Variants in SV2C observed in about 807,000 individuals in gnomAD.
The protein encoded by SV2C is solute carrier family 22 member B3.
Under a neutral mutation model 79.7 loss-of-function variants are expected in SV2C, and 49 were observed. The ratio of observed to expected loss-of-function variants is 0.61; its 90% CI spans 0.49 to 0.78. SV2C has a LOEUF of 0.78. SV2C is among the 30% of genes least tolerant of loss of function. The probability of loss-of-function intolerance (pLI) is 0.00; values close to 1 mark genes in which losing one functional copy is unlikely to be tolerated. For synonymous variants in SV2C, 334 were observed against 333.2 expected, an observed-to-expected ratio of 1.00 and a Z score of -0.03; for missense variants, 833 against 912.9, an observed-to-expected ratio of 0.91 and a Z score of 1.13.
At chr5:76,012,792 G>A in the SV2C span, among the ~76,000 whole-genome samples, 1 of 152,156 alleles carries the variant, frequency 6.6e-6, no homozygotes, top group African/African-American at 2.4e-5. Context: ...TAAGGTGTAA[G>A]GAAGGGGTCC....
At chr5:76,222,123 C>A (rs960448229) in intron 4 of SV2C, among the ~76,000 whole-genome samples, 1 of 152,162 alleles carries the variant, frequency 6.6e-6, no homozygotes, top group Middle Eastern at 3.2e-3. Context: ...TTGACAGTTT[C>A]TTTAAAAACC....
intron 2 of SV2C, chr5:76,171,036 G>A (rs1471861197): frequency 3.1e-5 from 5 of 158,866 alleles, no homozygotes; most frequent in South Asian, 3.0e-4. Context: ...CCGCCGCGCC[G>A]GCGAGCGCCG....
chr5:75,866,648 C>T, the SV2C span, among the ~76,000 whole-genome samples: 4 of 152,174 alleles, frequency 2.6e-5, no homozygotes, highest in Non-Finnish European at 4.4e-5. Flanking sequence ...GCCTCAAATT[C>T]GTATCTCCAG....
At chr5:76,058,139 G>A in the SV2C span, among the ~76,000 whole-genome samples, 1 of 152,064 alleles carries the variant, frequency 6.6e-6, no homozygotes, top group Non-Finnish European at 1.5e-5. Flanking sequence ...AAATGCCAGA[G>A]GTGCAAGGTG....
chr5:76,237,989 C>CACATACAT, intron 4 of SV2C, among the ~76,000 whole-genome samples: 1 of 150,054 alleles, frequency 6.7e-6, no homozygotes, highest in South Asian at 2.1e-4. Flanking sequence ...CACACACACA[C>CACATACAT]ACATACATAC....
chr5:75,878,853 T>A, the SV2C span, among the ~76,000 whole-genome samples: 1 of 148,384 alleles, frequency 6.7e-6, no homozygotes, highest in Admixed American at 6.7e-5. Flanking sequence ...TAATTTATAT[T>A]AAAAAAAAGG....
At chr5:76,140,279 T>C (rs1749208641) in intron 2 of SV2C, among the ~76,000 whole-genome samples, 1 of 152,240 alleles carries the variant, frequency 6.6e-6, no homozygotes, top group African/African-American at 2.4e-5. Flanking sequence ...CTGTAGTTTT[T>C]ACTTGGATGC....
the SV2C span, among the ~76,000 whole-genome samples, chr5:75,848,876 A>G: frequency 6.6e-6 from 1 of 152,216 alleles, no homozygotes; most frequent in Non-Finnish European, 1.5e-5. Context: ...AAATTCTTCA[A>G]TCTGCTGAAT....
intron 4 of SV2C, among the ~76,000 whole-genome samples, chr5:76,245,225 G>A (rs974920521): frequency 5.9e-5 from 9 of 152,142 alleles, no homozygotes; most frequent in Admixed American, 3.3e-4. Flanking sequence ...ATTCCTCAAT[G>A]CCAGATTCCC....
At chr5:76,098,727 C>T (rs1300912829) in intron 1 of SV2C, among the ~76,000 whole-genome samples, 2 of 152,136 alleles carry the variant, frequency 1.3e-5, no homozygotes. Context: ...AACAATAAAC[C>T]TGTAAAGGTT....
intron 1 of SV2C, among the ~76,000 whole-genome samples, chr5:76,123,104 C>T (rs1323527009): frequency 2.6e-5 from 4 of 152,112 alleles, no homozygotes; most frequent in Admixed American, 2.0e-4. Flanking sequence ...AACACCTCTA[C>T]GCAAATAATC....
At chr5:75,993,734 C>G in the SV2C span, among the ~76,000 whole-genome samples, 1 of 152,002 alleles carries the variant, frequency 6.6e-6, no homozygotes, top group Non-Finnish European at 1.5e-5. Flanking sequence ...TCCAAAATAC[C>G]TACTGTCTTG....
In SV2C at chr5:76,291,123, C is replaced by G. The variant is rs1463254412; in HGVS notation, c.1138-98C>G. ...ATTACCAAATACCGCCTACTTCTTG[C>G]CGGAGTCAGTTTTTGCTCCTGTAAA... is the stretch of plus-strand genomic sequence containing the variant. On this transcript the variant is annotated intron_variant, in intron 6 of 12. Transcript: ENST00000502798. 4.3e-6 allele frequency: 3 copies of G among 701,240 alleles called. No homozygotes were observed. The East Asian group carries it at 8.7e-5, about 20-fold the overall frequency. 43.4% of individuals were successfully genotyped at this position (701,240 alleles called of 1,614,324 possible). A position where few individuals can be genotyped will look rare whatever the true frequency, so the allele number is the denominator to read the frequency against.
chr5:76,171,759 G>C (rs1743275078), intron 2 of SV2C, among the ~76,000 whole-genome samples: 1 of 115,738 alleles, frequency 8.6e-6, no homozygotes, highest in Admixed American at 8.3e-5. Context: ...GGAGGGAGGT[G>C]GGGGGGTCAG....
chr5:76,076,886 G>A, the SV2C span, among the ~76,000 whole-genome samples: 3 of 152,164 alleles, frequency 2.0e-5, no homozygotes, highest in Non-Finnish European at 4.4e-5. Flanking sequence ...ATGGAGGGTG[G>A]GCTGTGCCTC....
rs143178329 is a variant in SV2C, at chr5:76,343,690, A to T, written c.2001-9440A>T. Among the ~76,000 whole-genome samples the T allele has an allele frequency of 8.7e-4, 132 of 152,286 alleles. 1 individual carries two copies. Among genetic ancestry groups the T allele is most frequent in the African/African-American group, 3.1e-3 (128 of 41,550 alleles). On this transcript the variant is annotated intron_variant, in intron 12 of 12. Coordinates refer to the SV2C transcript ENST00000322285. ...AGCTGCATAATTCCTCTTGGTATAC[A>T]CTCAATAGAAAGGTTTGCATATGTG...
the SV2C span, among the ~76,000 whole-genome samples, chr5:76,047,260 T>C: frequency 2.6e-5 from 4 of 152,234 alleles, no homozygotes; most frequent in Non-Finnish European, 4.4e-5. Context: ...CCAGTCACTG[T>C]TTCCCACCCT....
At chr5:76,068,621 T>A in the SV2C span, among the ~76,000 whole-genome samples, 5 of 152,274 alleles carry the variant, frequency 3.3e-5, no homozygotes, top group South Asian at 4.1e-4. Flanking sequence ...GTTAACATAG[T>A]AGCAATTATC....
chr5:76,199,275 T>C (rs1255175808), intron 3 of SV2C, among the ~76,000 whole-genome samples: 1 of 152,204 alleles, frequency 6.6e-6, no homozygotes, highest in Non-Finnish European at 1.5e-5. Flanking sequence ...GTCCAGTTTT[T>C]AAATTGAGAA....
Sources: gnomAD v4.1 joint callset for allele counts (sites outside exome capture counted in the v4.1 genomes callset) on GRCh38, gnomAD v4.1.1 for gene constraint, MANE v1.5 for transcripts, NCBI Gene and HGNC (gene_info 2026-07-23, HGNC 2026-07-21) for gene names.